The following ARMC2 variants were observed in gnomAD, a reference collection of about 807,000 sequenced individuals.
ARMC2 encodes armadillo repeat containing 2.
Under a neutral mutation model 90.3 loss-of-function variants are expected in ARMC2, and 67 were observed. The observed-to-expected ratio is 0.74, with a 90% confidence interval of 0.61 to 0.91. The LOEUF (loss-of-function observed/expected upper bound fraction) is 0.91. Among genes scored for constraint, ARMC2 ranks in the 40% least tolerant of loss-of-function variants. The pLI is 0.00. For missense variants in ARMC2, 920 were observed against 1,030.9 expected, an observed-to-expected ratio of 0.89 and a Z score of 1.47; for synonymous variants, 393 against 393.0, an observed-to-expected ratio of 1.00 and a Z score of 0.00.
chr6:108,994,731 C>G, the ARMC2 span: 11 of 825,620 alleles, frequency 1.3e-5, no homozygotes, highest in Non-Finnish European at 1.8e-5. Context: ...GAGACAGAGT[C>G]TTGCTCTGTT....
intron 8 of ARMC2, chr6:108,907,738 G>C (rs1772933602): frequency 1.9e-6 from 3 of 1,609,950 alleles, no homozygotes; most frequent in East Asian, 2.2e-5. Flanking sequence ...TGTACTTGTA[G>C]TACCAGTAGT....
At chr6:108,886,439 C>T (rs1311613105) in intron 5 of ARMC2, among the ~76,000 whole-genome samples, 2 of 152,158 alleles carry the variant, frequency 1.3e-5, no homozygotes, top group Non-Finnish European at 2.9e-5. Context: ...ATTACAGGCA[C>T]ATGCCTGTAA....
At chr6:109,000,912 A>T in the ARMC2 span, among the ~76,000 whole-genome samples, 6 of 152,154 alleles carry the variant, frequency 3.9e-5, no homozygotes, top group Non-Finnish European at 8.8e-5. Flanking sequence ...TAGACATTTT[A>T]TCTATATACT....
the ARMC2 span, among the ~76,000 whole-genome samples, chr6:109,024,363 GA>G: frequency 6.6e-6 from 1 of 152,128 alleles, no homozygotes; most frequent in Non-Finnish European, 1.5e-5. Context: ...GGAAGAATCA[GA>G]AAAATTCTAT....
At chr6:108,969,470 A>G (rs1232318938) in intron 17 of ARMC2, among the ~76,000 whole-genome samples, 3 of 152,238 alleles carry the variant, frequency 2.0e-5, no homozygotes, top group Non-Finnish European at 4.4e-5. Context: ...ATTTGGAAGC[A>G]TGCTGTGCCT....
At chr6:109,021,792 A>T in the ARMC2 span, among the ~76,000 whole-genome samples, 1 of 152,156 alleles carries the variant, frequency 6.6e-6, no homozygotes, top group East Asian at 1.9e-4. Context: ...GTTGAATCAG[A>T]AAAAAAGGTA....
chr6:108,987,409 C>G, the ARMC2 span: 1 of 545,490 alleles, frequency 1.8e-6, no homozygotes, highest in Admixed American at 3.3e-5. Flanking sequence ...AGAAAAATAG[C>G]AGAAACTAAA....
At chr6:108,937,641 C>G (rs1489442230) in intron 12 of ARMC2, among the ~76,000 whole-genome samples, 1 of 152,174 alleles carries the variant, frequency 6.6e-6, no homozygotes, top group Non-Finnish European at 1.5e-5. Context: ...GAAGAACTTA[C>G]AAACGATTTC....
chr6:108,866,393 C>G (rs1339680899), intron 3 of ARMC2, among the ~76,000 whole-genome samples: 1 of 152,176 alleles, frequency 6.6e-6, no homozygotes, highest in Non-Finnish European at 1.5e-5. Flanking sequence ...CTTATGCAGA[C>G]AAACAAGTGT....
At chr6:108,998,896 C>T in the ARMC2 span, 14 of 1,009,336 alleles carry the variant, frequency 1.4e-5, no homozygotes, top group East Asian at 3.8e-4. Context: ...ACATGTAGAA[C>T]CCAGAATTTG....
In ARMC2 at chr6:108,882,202, C is replaced by T. The variant is rs577034530; in HGVS notation, c.671+5852C>T. Among the ~76,000 whole-genome samples, 18 of 151,572 alleles carry T rather than the reference C, an allele frequency of 1.2e-4. No homozygotes were observed. In the South Asian group the frequency reaches 1.3e-3, roughly 11 times the overall value. ...CTGTAATCCCAACACTTTGGGAGGC[C>T]GAGGCGGGCAGATCATGAGGTCAGG... On this transcript the variant is annotated intron_variant, in intron 5 of 17. Transcript: ENST00000392644.
the ARMC2 span, among the ~76,000 whole-genome samples, chr6:109,008,059 A>G: frequency 3.6e-3 from 552 of 152,306 alleles, 12 homozygotes; most frequent in Non-Finnish European, 1.2e-3. Context: ...AAAATGAAAT[A>G]CAACTATACA....
chr6:109,000,637 G>A, the ARMC2 span: 1 of 1,609,158 alleles, frequency 6.2e-7, no homozygotes, highest in Non-Finnish European at 8.5e-7. Context: ...TTTACATGCA[G>A]GTTCACTAAG....
In ARMC2 at chr6:108,904,341, T is replaced by G; in HGVS notation, c.959T>G (p.Leu320Arg). Residue 320 changes from leucine (L) to arginine (R), a missense_variant, in exon 8 of 18, where the codon CTG (leucine) becomes CGG (arginine). Coordinates refer to ENST00000392644, the MANE Select transcript of ARMC2 (RefSeq NM_032131.6). ...GGAAGAAGTATTCTCCTGAAGACCCTGTGTAAACTAGTTGATGTTGGTTCA... is the reference window on the plus strand; with the variant it reads ...GGAAGAAGTATTCTCCTGAAGACCCGGTGTAAACTAGTTGATGTTGGTTCA... ...FKGRSILLKT[L>R]CKLVDVGSDS... 6.2e-7 allele frequency: 1 copy of G among 1,613,494 alleles called. No individual in the cohort carries two copies. Among genetic ancestry groups the G allele is most frequent in the Non-Finnish European group, 8.5e-7 (1 of 1,179,740 alleles).
At chr6:108,892,459 A>T (rs1221952830) in intron 5 of ARMC2, among the ~76,000 whole-genome samples, 2 of 148,446 alleles carry the variant, frequency 1.3e-5, no homozygotes, top group Non-Finnish European at 1.5e-5. Flanking sequence ...TTAAGTGTTT[A>T]AAAAAAAAAT....
intron 5 of ARMC2, among the ~76,000 whole-genome samples, chr6:108,893,425 A>T (rs1771290213): frequency 6.6e-6 from 1 of 152,224 alleles, no homozygotes; most frequent in Non-Finnish European, 1.5e-5. Flanking sequence ...CCTTGGGCAC[A>T]TCTGGCCAGC....
chr6:108,876,721 A>G (rs1776975674), intron 5 of ARMC2, among the ~76,000 whole-genome samples: 1 of 152,210 alleles, frequency 6.6e-6, no homozygotes, highest in Non-Finnish European at 1.5e-5. Flanking sequence ...GGGTTAGTTC[A>G]CAGTCCTTAA....
intron 13 of ARMC2, among the ~76,000 whole-genome samples, chr6:108,955,194 A>G (rs1777486376): frequency 6.6e-6 from 1 of 152,232 alleles, no homozygotes; most frequent in South Asian, 2.1e-4. Flanking sequence ...CATTCAGTTT[A>G]GAACAAGGTT....
chr6:108,943,390 A>G (rs1245267551), intron 12 of ARMC2, among the ~76,000 whole-genome samples: 1 of 152,192 alleles, frequency 6.6e-6, no homozygotes, highest in Admixed American at 6.5e-5. Flanking sequence ...ACAAGAATTC[A>G]TATTATTTTT....
Sources: gnomAD v4.1 joint callset for allele counts (sites outside exome capture counted in the v4.1 genomes callset) on GRCh38, gnomAD v4.1.1 for gene constraint, MANE v1.5 for transcripts, NCBI Gene and HGNC (gene_info 2026-07-23, HGNC 2026-07-21) for gene names.